The following SHANK2 variants were observed in gnomAD, a reference collection of about 807,000 sequenced individuals.
SHANK2 encodes SH3 and multiple ankyrin repeat domains protein 2.
A neutral mutation model predicts 133.7 loss-of-function variants in SHANK2; 43 were observed. The ratio of observed to expected loss-of-function variants is 0.32; its 90% CI spans 0.25 to 0.41. The LOEUF (loss-of-function observed/expected upper bound fraction) is 0.41. SHANK2 is among the 10% of genes least tolerant of loss of function. The pLI, the probability that SHANK2 is intolerant of heterozygous loss-of-function variation, is 1.00. For missense variants in SHANK2, 1,994 were observed against 2,235.8 expected, an observed-to-expected ratio of 0.89 and a Z score of 2.18; for synonymous variants, 1,017 against 952.8, an observed-to-expected ratio of 1.07 and a Z score of -1.24.
chr11:70,896,943 C>T (rs972934671), intron 10 of SHANK2, among the ~76,000 whole-genome samples: 4 of 152,110 alleles, frequency 2.6e-5, no homozygotes, highest in East Asian at 1.9e-4. Context: ...TCTGACACCC[C>T]GGAGCCCTGT....
At chr11:70,661,937 A>G in intron 15 of SHANK2, 1 of 868,982 alleles carries the variant, frequency 1.2e-6, no homozygotes, top group Non-Finnish European at 1.8e-6. Flanking sequence ...CGGAGGAAGG[A>G]GTCATACATG....
intron 17 of SHANK2, among the ~76,000 whole-genome samples, chr11:70,633,333 C>T (rs1383290407): frequency 6.6e-6 from 1 of 150,880 alleles, no homozygotes; most frequent in African/African-American, 2.4e-5. Flanking sequence ...TAATGACATA[C>T]TGGTGAGGAA....
At chr11:71,144,007 CA>C (rs1338244218) in intron 3 of SHANK2, among the ~76,000 whole-genome samples, 2 of 151,702 alleles carry the variant, frequency 1.3e-5, no homozygotes, top group Non-Finnish European at 2.9e-5. Flanking sequence ...GAATTCCCTC[CA>C]ATTAAAAGCA....
At chr11:70,628,390 G>A (rs2136504717) in intron 17 of SHANK2, among the ~76,000 whole-genome samples, 1 of 152,236 alleles carries the variant, frequency 6.6e-6, no homozygotes, top group African/African-American at 2.4e-5. Flanking sequence ...GGGGCGGAGA[G>A]GGCAGTAAAC....
intron 17 of SHANK2, among the ~76,000 whole-genome samples, chr11:70,652,899 C>T (rs1172351956): frequency 2.6e-5 from 4 of 152,166 alleles, no homozygotes; most frequent in African/African-American, 9.7e-5. Flanking sequence ...CACAACCACC[C>T]ATTTTATCAA....
chr11:70,489,571 C>A (rs1555155214), intron 23 of SHANK2: 5 of 591,046 alleles, frequency 8.5e-6, no homozygotes, highest in Non-Finnish European at 1.5e-5. Context: ...GGACAGTGCC[C>A]CTGGGGTGGG....
At chr11:70,747,827 C>T (rs549476411) in intron 14 of SHANK2, among the ~76,000 whole-genome samples, 11 of 152,316 alleles carry the variant, frequency 7.2e-5, no homozygotes, top group Non-Finnish European at 1.6e-4. Flanking sequence ...CGTGTGCATG[C>T]ATGCTGCACG....
intron 17 of SHANK2, among the ~76,000 whole-genome samples, chr11:70,636,579 ATGTG>A (rs1394274956): frequency 5.3e-5 from 2 of 38,046 alleles, no homozygotes; most frequent in Admixed American, 2.4e-4. Flanking sequence ...GTGTGTATGA[ATGTG>A]AGTCTGTGTG....
chr11:71,077,826 TCAAGGAAGTTA>T (rs1477965983), intron 8 of SHANK2, among the ~76,000 whole-genome samples: 1 of 152,136 alleles, frequency 6.6e-6, no homozygotes, highest in African/African-American at 2.4e-5. Context: ...GCTCTCACTG[TCAAGGAAGTTA>T]CAAATACAGT....
intron 11 of SHANK2, among the ~76,000 whole-genome samples, chr11:70,888,268 C>T (rs900466893): frequency 1.4e-4 from 21 of 152,080 alleles, no homozygotes; most frequent in South Asian, 8.3e-4. Context: ...TGGCCACCCA[C>T]GATCTAAAGC....
intron 23 of SHANK2, 116 bp downstream of exon 23, chr11:70,490,160 T>C: frequency 1.2e-6 from 1 of 852,256 alleles, no homozygotes; most frequent in Non-Finnish European, 1.9e-6. Flanking sequence ...AGGGCCTTGC[T>C]GGGGTGGGAC....
At chr11:71,100,737 C>G (rs1590911496) in intron 6 of SHANK2, among the ~76,000 whole-genome samples, 1 of 152,014 alleles carries the variant, frequency 6.6e-6, no homozygotes, top group Middle Eastern at 3.4e-3. Flanking sequence ...CATGGTGGCA[C>G]ACGCCTGTAG....
intron 17 of SHANK2, among the ~76,000 whole-genome samples, chr11:70,534,848 C>T (rs1554973893): frequency 6.6e-6 from 1 of 152,108 alleles, no homozygotes; most frequent in African/African-American, 2.4e-5. Flanking sequence ...GACGGTCTTT[C>T]CCTTGACTGT....
intron 8 of SHANK2, among the ~76,000 whole-genome samples, chr11:71,087,781 C>T (rs1171679835): frequency 6.6e-6 from 1 of 152,090 alleles, no homozygotes; most frequent in Non-Finnish European, 1.5e-5. Flanking sequence ...GGCGTGGTAC[C>T]TCCACACTTG....
intron 5 of SHANK2, among the ~76,000 whole-genome samples, chr11:71,111,178 T>G (rs1235759262): frequency 6.6e-6 from 1 of 152,248 alleles, no homozygotes; most frequent in African/African-American, 2.4e-5. Flanking sequence ...CTGAGAGCTA[T>G]GAATGCTCCT....
rs71049962 is a variant in SHANK2 at position 71,210,210 on chromosome 11, GTATATATATATATATATATATATATA to G, written c.-13+14461_-13+14486del. Among the ~76,000 whole-genome samples the G allele has an allele frequency of 2.2e-3, 118 of 54,064 alleles. 4 individuals carry two copies. In the Middle Eastern group the frequency reaches 0.038, roughly 18 times the overall value. The allele number at this position is 54,064 out of a possible 152,430, so 35.5% of individuals were successfully genotyped here. ...GGTCCTCTTCATTGGAAATCCACAG[GTATATATATATATATATATATATATA>G]TATATATATATATATATTTATTTAT... On this transcript the variant is annotated intron_variant, in intron 2 of 25. Coordinates refer to ENST00000601538, the MANE Select transcript of SHANK2 (RefSeq NM_012309.5).
rs1181966620 is a variant in SHANK2 at position 71,073,154 on chromosome 11, TTCTTTTTTTTC to T, written c.1029+1994_1029+2004del. Reference sequence around the variant, plus strand: ...TTTTTTTCTTTTTCTTTTCTTTTTTTTCTTTTTTTTCTTTTTTTTTTTGAGATAGAGTCTTG... The same window carrying T: ...TTTTTTTCTTTTTCTTTTCTTTTTTTTTTTTTTTTTTGAGATAGAGTCTTG... On this transcript the variant is annotated intron_variant, in intron 9 of 25. Transcript: ENST00000601538. Among the ~76,000 whole-genome samples the T allele has an allele frequency of 2.6e-3, 89 of 34,306 alleles. 15 individuals are homozygous for T. The highest frequency in any genetic ancestry group is 5.3e-3 in the South Asian group (4 of 756). 22.5% of individuals were successfully genotyped at this position (34,306 alleles called of 152,430 possible). A position where few individuals can be genotyped will look rare whatever the true frequency, so the allele number is the denominator to read the frequency against.
chr11:70,541,803 C>T (rs1340049090), intron 17 of SHANK2, among the ~76,000 whole-genome samples: 2 of 152,226 alleles, frequency 1.3e-5, no homozygotes, highest in Non-Finnish European at 2.9e-5. Flanking sequence ...GACAGTCCCC[C>T]ACAACAGAGA....
intron 6 of SHANK2, 143 bp downstream of exon 6, chr11:71,109,795 AGAG>A: frequency 1.5e-6 from 1 of 666,196 alleles, no homozygotes; most frequent in East Asian, 2.7e-5. Context: ...CTGAGAAGAC[AGAG>A]GAGAGTGAGA....
Sources: allele counts gnomAD v4.1 joint callset (sites outside exome capture counted in the v4.1 genomes callset), GRCh38; gene constraint gnomAD v4.1.1; transcripts MANE v1.5; gene names NCBI Gene and HGNC (gene_info 2026-07-23, HGNC 2026-07-21).